Variants in ADAMTS18 observed in about 807,000 individuals in gnomAD.
ADAMTS18 encodes the protein ADAM metallopeptidase with thrombospondin type 1 motif 18.
Under a neutral mutation model 165.9 loss-of-function variants are expected in ADAMTS18, and 157 were observed. The ratio of observed to expected loss-of-function variants is 0.95; its 90% CI spans 0.83 to 1.08. ADAMTS18 has a LOEUF of 1.08. ADAMTS18 is among the 50% of genes least tolerant of loss of function. The pLI, the probability that ADAMTS18 is intolerant of heterozygous loss-of-function variation, is 0.00. For synonymous variants in ADAMTS18, 782 were observed against 578.2 expected (o/e 1.35, Z -5.06); for missense variants, 2,040 against 1,534.0 (o/e 1.33, Z -5.51).
At chr16:77,377,587 T>C (rs886501653) in intron 3 of ADAMTS18, among the ~76,000 whole-genome samples, 7 of 152,258 alleles carry the variant, frequency 4.6e-5, no homozygotes. Context: ...CTGTTTTTAT[T>C]TTTAGTAAAG....
intron 22 of ADAMTS18, among the ~76,000 whole-genome samples, chr16:77,287,314 T>C (rs577705519): frequency 1.5e-4 from 23 of 152,238 alleles, no homozygotes; most frequent in Admixed American, 1.0e-3. Context: ...ACGACATTCA[T>C]AGTAGTCACC....
chr16:77,418,593 C>T (rs2057560191), intron 3 of ADAMTS18, among the ~76,000 whole-genome samples: 1 of 152,212 alleles, frequency 6.6e-6, no homozygotes, highest in Admixed American at 6.5e-5. Flanking sequence ...CATTCTAACA[C>T]ATCACCAATG....
chr16:77,283,793 A>C lies in ADAMTS18; in HGVS notation c.*163T>G. 1.6e-6 allele frequency: 1 copy of C among 627,364 alleles called. No individual in the cohort carries two copies. The highest frequency in any genetic ancestry group is 2.9e-6 in the Non-Finnish European group (1 of 349,672). 38.9% of individuals were successfully genotyped at this position (627,364 alleles called of 1,614,324 possible). A position where few individuals can be genotyped will look rare whatever the true frequency, so the allele number is the denominator to read the frequency against. On this transcript the variant is annotated 3_prime_UTR_variant, in exon 23 of 23. Coordinates refer to ENST00000282849, the MANE Select transcript of ADAMTS18 (RefSeq NM_199355.4). ...CACGTGCTTCAGGGAATTGAGCTAG[A>C]AGCCTACTGGCAACCTGTCTGTTCC...
rs757122588 is a variant in ADAMTS18, at chr16:77,353,799, A to T, written c.1548T>A (p.Asp516Glu). ...YPDKLPGQIY[D>E]ADTQCKWQFG... ...ATTGCCATTTACACTGTGTGTCAGC[A>T]TCATAAATCTGTCCTGGTAGTTTGT... is the stretch of plus-strand genomic sequence containing the variant. The change falls in exon 10 of 23, where the codon GAT becomes GAA. Residue 516 changes from aspartate to glutamate, a missense_variant. Physicochemically the swap from Asp to Glu is conservative, Grantham distance 45 (BLOSUM62 2). Coordinates refer to ENST00000282849, the MANE Select transcript of ADAMTS18 (RefSeq NM_199355.4). 6.2e-7 allele frequency: 1 copy of T among 1,614,192 alleles called. No individual in the cohort carries two copies. The highest frequency in any genetic ancestry group is 1.7e-5 in the Admixed American group (1 of 60,020).
chr16:77,343,931 T>C (rs779657710), intron 10 of ADAMTS18, among the ~76,000 whole-genome samples: 43 of 152,168 alleles, frequency 2.8e-4, no homozygotes, highest in Non-Finnish European at 3.7e-4. Context: ...ATAATTTTTG[T>C]CATTACTTGT....
At chr16:77,346,724 TTAAGC>T (rs1364404048) in intron 10 of ADAMTS18, among the ~76,000 whole-genome samples, 2 of 152,176 alleles carry the variant, frequency 1.3e-5, no homozygotes, top group African/African-American at 4.8e-5. Context: ...GCCCAAGTTT[TTAAGC>T]TAAGCAATAA....
intron 17 of ADAMTS18, among the ~76,000 whole-genome samples, chr16:77,298,676 A>G (rs1006723902): frequency 2.6e-5 from 4 of 152,190 alleles, no homozygotes; most frequent in African/African-American, 9.7e-5. Context: ...CCTGCAGTCC[A>G]AGCTACTTAG....
intron 3 of ADAMTS18, among the ~76,000 whole-genome samples, chr16:77,400,033 C>G (rs924426430): frequency 3.3e-5 from 5 of 152,160 alleles, no homozygotes; most frequent in Non-Finnish European, 5.9e-5. Flanking sequence ...TATGGTGGCA[C>G]TGGTTAATCA....
chr16:77,360,557 T>A (rs973898734), intron 7 of ADAMTS18, among the ~76,000 whole-genome samples: 4 of 142,252 alleles, frequency 2.8e-5, no homozygotes, highest in Non-Finnish European at 6.2e-5. Flanking sequence ...GATAACACTG[T>A]CTGCTTCTCA....
At chr16:77,295,871 C>G (rs1302919930) in intron 18 of ADAMTS18, among the ~76,000 whole-genome samples, 1 of 151,794 alleles carries the variant, frequency 6.6e-6, no homozygotes, top group Non-Finnish European at 1.5e-5. Flanking sequence ...GAGATGGAGT[C>G]TTGCTCTTGT....
intron 14 of ADAMTS18, 141 bp from the exon 15 acceptor site, chr16:77,321,343 G>A (rs1436624021): frequency 8.7e-7 from 1 of 1,145,480 alleles, no homozygotes; most frequent in Non-Finnish European, 1.2e-6. Flanking sequence ...ACAGCCTCAA[G>A]TTGGACTCAC....
chr16:77,393,539 C>A (rs370925135), intron 3 of ADAMTS18, among the ~76,000 whole-genome samples: 14 of 152,196 alleles, frequency 9.2e-5, no homozygotes, highest in African/African-American at 3.4e-4. Flanking sequence ...GTGATTAGAT[C>A]CAAAAGGCAG....
chr16:77,408,793 T>G (rs1283156652), intron 3 of ADAMTS18, among the ~76,000 whole-genome samples: 1 of 152,142 alleles, frequency 6.6e-6, no homozygotes, highest in African/African-American at 2.4e-5. Flanking sequence ...TAGAGGAGTG[T>G]GGCCACTTTC....
At chr16:77,300,674 A>C (rs2055565521) in intron 16 of ADAMTS18, among the ~76,000 whole-genome samples, 1 of 152,070 alleles carries the variant, frequency 6.6e-6, no homozygotes, top group African/African-American at 2.4e-5. Context: ...ACGTATACAC[A>C]AACACATACA....
In ADAMTS18 at chr16:77,341,646, T is replaced by A. The variant is rs1050954590; in HGVS notation, c.1710+58A>T. Reference sequence around the variant, plus strand: ...ACCCTAAGGTCACAATACAAACAGTTTGAATTCTATGCCTTATCAAATTTC... The same window carrying A: ...ACCCTAAGGTCACAATACAAACAGTATGAATTCTATGCCTTATCAAATTTC... On this transcript the variant is annotated intron_variant, in intron 11 of 22. Coordinates refer to ENST00000282849, the MANE Select transcript of ADAMTS18 (RefSeq NM_199355.4). 5.0e-6 allele frequency: 7 copies of A among 1,391,626 alleles called. No individual in the cohort carries two copies. In the African/African-American group the frequency reaches 1.0e-4, roughly 20 times the overall value. The allele number at this position is 1,391,626 out of a possible 1,614,324, so 86.2% of individuals were successfully genotyped here.
intron 3 of ADAMTS18, among the ~76,000 whole-genome samples, chr16:77,384,789 T>C (rs2057082053): frequency 6.6e-6 from 1 of 151,828 alleles, no homozygotes; most frequent in African/African-American, 2.4e-5. Flanking sequence ...AACATCCAGT[T>C]CATCAGCTCT....
chr16:77,359,562 A>G, intron 7 of ADAMTS18, 139 bp from the exon 8 acceptor site: 1 of 688,786 alleles, frequency 1.5e-6, no homozygotes, highest in Non-Finnish European at 2.5e-6. Flanking sequence ...AAAAAAAAAA[A>G]AAAAGATCTA....
chr16:77,394,925 G>T (rs1256439558), intron 3 of ADAMTS18, among the ~76,000 whole-genome samples: 1 of 152,140 alleles, frequency 6.6e-6, no homozygotes, highest in African/African-American at 2.4e-5. Context: ...ATGACCATCT[G>T]CTTGTAAGTT....
chr16:77,392,278 A>C (rs2057198321), intron 3 of ADAMTS18, among the ~76,000 whole-genome samples: 1 of 151,998 alleles, frequency 6.6e-6, no homozygotes, highest in African/African-American at 2.4e-5. Flanking sequence ...GCATGACCTG[A>C]ACTCACCCCT....
Sources: allele counts gnomAD v4.1 joint callset (sites outside exome capture counted in the v4.1 genomes callset), GRCh38; gene constraint gnomAD v4.1.1; transcripts MANE v1.5; gene names NCBI Gene and HGNC (gene_info 2026-07-23, HGNC 2026-07-21).